PRKCA: variants seen among roughly 807,000 people sequenced by gnomAD.
The protein encoded by PRKCA is protein kinase C alpha.
PRKCA carries 27 observed loss-of-function variants against 87.0 expected under a neutral mutation model. The observed-to-expected ratio is 0.31, with a 90% confidence interval of 0.23 to 0.43. The LOEUF is 0.43. PRKCA is among the 20% of genes least tolerant of loss of function. The pLI, the probability that PRKCA is intolerant of heterozygous loss-of-function variation, is 1.00. For synonymous variants in PRKCA, 329 were observed against 311.1 expected (o/e 1.06, Z -0.61); for missense variants, 518 against 852.3 (o/e 0.61, Z 4.88).
At chr17:66,480,284 T>A (rs1282449545) in intron 2 of PRKCA, among the ~76,000 whole-genome samples, 5 of 152,170 alleles carry the variant, frequency 3.3e-5, no homozygotes, top group Non-Finnish European at 2.9e-5. Flanking sequence ...GATTTCCTTT[T>A]TGGAGGCTCC....
At chr17:66,751,121 C>T (rs982624448) in intron 13 of PRKCA, among the ~76,000 whole-genome samples, 2 of 152,288 alleles carry the variant, frequency 1.3e-5, no homozygotes, top group South Asian at 2.1e-4. Flanking sequence ...GAGCTTATTT[C>T]GCCTCTTTCT....
chr17:66,568,437 G>A (rs560446208), intron 3 of PRKCA, among the ~76,000 whole-genome samples: 4 of 152,216 alleles, frequency 2.6e-5, no homozygotes, highest in East Asian at 3.9e-4. Context: ...GGAGTAATTC[G>A]TGGTTTAGGA....
At chr17:66,673,800 A>G (rs1211690905) in intron 5 of PRKCA, among the ~76,000 whole-genome samples, 3 of 152,212 alleles carry the variant, frequency 2.0e-5, no homozygotes, top group Admixed American at 6.5e-5. Flanking sequence ...CGTGATCACT[A>G]TTTAACCAAG....
chr17:66,348,188 T>C (rs1907523277), intron 2 of PRKCA, among the ~76,000 whole-genome samples: 1 of 152,108 alleles, frequency 6.6e-6, no homozygotes, highest in Non-Finnish European at 1.5e-5. Flanking sequence ...GTGATCCACC[T>C]GCCTTGGCCT....
chr17:66,531,005 C>T (rs537462702), intron 3 of PRKCA, among the ~76,000 whole-genome samples: 1 of 152,196 alleles, frequency 6.6e-6, no homozygotes, highest in Non-Finnish European at 1.5e-5. Context: ...CAAGGGCCCA[C>T]GTTGTGTCTT....
chr17:66,431,793 C>T (rs959931581), intron 2 of PRKCA, among the ~76,000 whole-genome samples: 1 of 152,164 alleles, frequency 6.6e-6, no homozygotes, highest in South Asian at 2.1e-4. Context: ...GTCCCTCTTC[C>T]GCACATCATT....
At chr17:66,595,895 C>A (rs11654296) in intron 3 of PRKCA, among the ~76,000 whole-genome samples, 7,952 of 152,240 alleles carry the variant, frequency 0.052, 271 homozygotes, top group East Asian at 0.12. Flanking sequence ...ACCACCGATC[C>A]CATGTTGTGT....
chr17:66,661,438 G>C (rs1431944332), intron 5 of PRKCA, among the ~76,000 whole-genome samples: 1 of 152,184 alleles, frequency 6.6e-6, no homozygotes, highest in Non-Finnish European at 1.5e-5. Context: ...ATGCAGCCAG[G>C]CTCCTGCCTT....
intron 16 of PRKCA, among the ~76,000 whole-genome samples, chr17:66,802,363 T>C (rs1192675017): frequency 6.6e-6 from 1 of 151,838 alleles, no homozygotes; most frequent in Non-Finnish European, 1.5e-5. Flanking sequence ...AAAAGGGTAA[T>C]GAAAGTAGCT....
At chr17:66,722,419 G>A (rs978140274) in intron 8 of PRKCA, among the ~76,000 whole-genome samples, 1 of 152,190 alleles carries the variant, frequency 6.6e-6, no homozygotes, top group African/African-American at 2.4e-5. Flanking sequence ...GGAGCTGAAT[G>A]TGGAGAGCTT....
chr17:66,714,296 G>C (rs1353578732), intron 8 of PRKCA, among the ~76,000 whole-genome samples: 2 of 151,864 alleles, frequency 1.3e-5, no homozygotes, highest in Non-Finnish European at 2.9e-5. Flanking sequence ...CTCATGCATG[G>C]GGCCAGAGAG....
intron 2 of PRKCA, among the ~76,000 whole-genome samples, chr17:66,483,186 T>C (rs1383861936): frequency 6.6e-6 from 1 of 152,214 alleles, no homozygotes; most frequent in African/African-American, 2.4e-5. Flanking sequence ...TTGTTAGGGC[T>C]GTCATAACAA....
chr17:66,359,420 T>C (rs1292419439), intron 2 of PRKCA, among the ~76,000 whole-genome samples: 1 of 152,214 alleles, frequency 6.6e-6, no homozygotes, highest in African/African-American at 2.4e-5. Context: ...CACAGAAAAC[T>C]GGTTTTCCTG....
intron 3 of PRKCA, among the ~76,000 whole-genome samples, chr17:66,573,977 T>A (rs1006094495): frequency 2.6e-5 from 4 of 152,144 alleles, no homozygotes; most frequent in African/African-American, 7.2e-5. Context: ...GAATTTATTT[T>A]AAAATTTTTT....
chr17:66,626,528 A>ATTT (rs71160584), intron 3 of PRKCA, among the ~76,000 whole-genome samples: 28 of 142,890 alleles, frequency 2.0e-4, no homozygotes, highest in African/African-American at 6.5e-4. Flanking sequence ...AGCCCGGCTA[A>ATTT]TTTTTTTTTT....
intron 13 of PRKCA, among the ~76,000 whole-genome samples, chr17:66,773,623 G>A (rs1264410472): frequency 6.6e-6 from 1 of 151,722 alleles, no homozygotes; most frequent in East Asian, 1.9e-4. Flanking sequence ...CAAAGTGCTG[G>A]GATTAGAGGT....
At chr17:66,456,285 G>C (rs754978729) in intron 2 of PRKCA, among the ~76,000 whole-genome samples, 1 of 152,108 alleles carries the variant, frequency 6.6e-6, no homozygotes, top group Non-Finnish European at 1.5e-5. Context: ...TACTTTGCTG[G>C]GGCAACCCTA....
chr17:66,798,393 T>TGAC (rs1568040640), intron 16 of PRKCA, among the ~76,000 whole-genome samples: 5 of 118,024 alleles, frequency 4.2e-5, no homozygotes, highest in African/African-American at 1.6e-4. Context: ...GTGGTGGTGG[T>TGAC]GGTGGTGGTG....
chr17:66,304,405 C>G (rs903654190), intron 1 of PRKCA, among the ~76,000 whole-genome samples: 1 of 152,100 alleles, frequency 6.6e-6, no homozygotes, highest in African/African-American at 2.4e-5. Flanking sequence ...TTAAGTTGCC[C>G]GACGTCCTGA....
Sources: allele counts gnomAD v4.1 joint callset (sites outside exome capture counted in the v4.1 genomes callset), GRCh38; gene constraint gnomAD v4.1.1; transcripts MANE v1.5; gene names NCBI Gene and HGNC (gene_info 2026-07-23, HGNC 2026-07-21).